The following ATG3 variants were observed in gnomAD, a reference collection of about 807,000 sequenced individuals.
ATG3 encodes the protein autophagy related 3, also known as ubiquitin-like-conjugating enzyme ATG3.
A neutral mutation model predicts 50.7 loss-of-function variants in ATG3; 25 were observed. The ratio of observed to expected loss-of-function variants is 0.49; its 90% confidence interval spans 0.36 to 0.69. The LOEUF (loss-of-function observed/expected upper bound fraction) is 0.69. Ranked by LOEUF, ATG3 falls within the 30% of genes least tolerant of loss-of-function variation. ATG3 has a pLI of 0.00. For synonymous variants in ATG3, 119 were observed against 125.5 expected, an observed-to-expected ratio of 0.95 and a Z score of 0.34; for missense variants, 281 against 376.0, an observed-to-expected ratio of 0.75 and a Z score of 2.09.
At chr3:112,533,181 TTAAA>T (rs1418574065) in intron 11 of ATG3, 1 of 986,008 alleles carries the variant, frequency 1.0e-6, no homozygotes, top group African/African-American at 1.7e-5. Flanking sequence ...GAGAAAAAAA[TTAAA>T]TAAAAATCCT....
At chr3:112,535,936 A>G (rs1933031438) in intron 10 of ATG3, 1 of 153,268 alleles carries the variant, frequency 6.5e-6, no homozygotes, top group Non-Finnish European at 1.5e-5. Flanking sequence ...GGCTCTGTGA[A>G]AAAACACTGA....
intron 7 of ATG3, among the ~76,000 whole-genome samples, chr3:112,539,710 T>C (rs903747669): frequency 1.3e-5 from 2 of 152,236 alleles, no homozygotes; most frequent in Non-Finnish European, 2.9e-5. Flanking sequence ...ATAAATACTG[T>C]ACTGCCCAAT....
chr3:112,546,179 A>G (rs1697185671), intron 5 of ATG3, among the ~76,000 whole-genome samples: 1 of 152,150 alleles, frequency 6.6e-6, no homozygotes, highest in South Asian at 2.1e-4. Context: ...ACAAACAAAA[A>G]AAAACCTATC....
At chr3:112,551,420 T>C (rs1933524475) in intron 3 of ATG3, among the ~76,000 whole-genome samples, 1 of 152,222 alleles carries the variant, frequency 6.6e-6, no homozygotes, top group African/African-American at 2.4e-5. Context: ...CTAGTGCTGA[T>C]TTAAAATGAA....
chr3:112,553,167 G>GGAAA (rs752389818), intron 3 of ATG3, 113 bp downstream of exon 3: 131 of 847,962 alleles, frequency 1.5e-4, no homozygotes, highest in Non-Finnish European at 2.9e-5. Context: ...TCTGCTGGGG[G>GGAAA]GAAAGTTAAA....
chr3:112,535,578 A>T (rs1933020263), intron 10 of ATG3: 1 of 152,154 alleles, frequency 6.6e-6, no homozygotes, highest in African/African-American at 2.4e-5. Flanking sequence ...ATGGCTCCTA[A>T]ATTATTTTTC....
At chr3:112,548,447 T>A in intron 5 of ATG3, 86 bp downstream of exon 5, 1 of 1,157,380 alleles carries the variant, frequency 8.6e-7, no homozygotes, top group Non-Finnish European at 1.3e-6. Context: ...GCCTTATGTA[T>A]CCTCTTTTTT....
Position 112,561,469 on chromosome 3 carries a change from G to A in ATG3, c.60C>T (p.Thr20=), listed in dbSNP as rs1043497254. The A allele has an allele frequency of 5.6e-6, 9 of 1,613,370 alleles. No homozygotes were observed. Among genetic ancestry groups the A allele is most frequent in the Admixed American group, 1.7e-5 (1 of 59,990 alleles). ...GKALEVAEYL[T]PVLKESKFKE... ...TGGCCTGGCTTACCTTGAGGACCGG[G>A]GTCAGGTACTCAGCCACTTCCAGTG... Residue 20 remains threonine, a synonymous_variant, in exon 1 of 12, where the codon ACC becomes ACT. Transcript: ENST00000283290.
intron 5 of ATG3, among the ~76,000 whole-genome samples, chr3:112,545,427 A>G (rs1343223828): frequency 6.6e-6 from 1 of 152,228 alleles, no homozygotes; most frequent in Non-Finnish European, 1.5e-5. Context: ...AAAAAACCTA[A>G]GTACAGAATA....
chr3:112,536,255 A>T (rs1933040776), intron 10 of ATG3: 1 of 504,812 alleles, frequency 2.0e-6, no homozygotes, highest in Non-Finnish European at 3.5e-6. Context: ...AGAACAAAAA[A>T]ATTCTTAACA....
Position 112,555,543 on chromosome 3 carries a change from A to G in ATG3, c.115-2214T>C, listed in dbSNP as rs533034734. ...TTAGTTTTTTCTTTGTTTTTTGACA[A>G]TACAGTATCAGATACTAGCTGCCCC... On this transcript the variant is annotated intron_variant, in intron 2 of 11. Transcript: ENST00000283290. Among the ~76,000 whole-genome samples, 50 of 152,336 alleles carry G rather than the reference A, an allele frequency of 3.3e-4. 1 individual carries two copies. The South Asian group carries it at 9.5e-3, about 29-fold the overall frequency.
chr3:112,549,798 C>CAAAAAAAAAAAA (rs71631400), intron 4 of ATG3, among the ~76,000 whole-genome samples: 3 of 116,798 alleles, frequency 2.6e-5, no homozygotes, highest in Non-Finnish European at 5.0e-5. Context: ...TCAAAACAAC[C>CAAAAAAAAAAAA]AAAAAAAAAA....
In ATG3 at chr3:112,534,250, T is replaced by A. The variant is rs1932949762; in HGVS notation, c.863+19A>T. ...TTAACAGCCATTTTGCCACTAATCTTACATACAGGGAAGGATACATATGAA... is the reference window on the plus strand; with the variant it reads ...TTAACAGCCATTTTGCCACTAATCTAACATACAGGGAAGGATACATATGAA... On this transcript the variant is annotated intron_variant, in intron 11 of 11. Transcript: ENST00000283290. The A allele has an allele frequency of 6.3e-7, 1 of 1,596,288 alleles. No individual in the cohort carries two copies. Among genetic ancestry groups the A allele is most frequent in the African/African-American group, 1.3e-5 (1 of 74,152 alleles).
chr3:112,543,155 T>C (rs1454821742), intron 6 of ATG3, among the ~76,000 whole-genome samples: 1 of 152,106 alleles, frequency 6.6e-6, no homozygotes, highest in African/African-American at 2.4e-5. Flanking sequence ...AGAATATCTT[T>C]AGTAACTGTT....
chr3:112,542,354 A>G (rs545268405), intron 6 of ATG3, among the ~76,000 whole-genome samples: 1 of 152,274 alleles, frequency 6.6e-6, no homozygotes, highest in Non-Finnish European at 1.5e-5. Context: ...ATCAGACTTT[A>G]CAGTTATTAA....
At chr3:112,556,176 T>C (rs1933664233) in intron 2 of ATG3, among the ~76,000 whole-genome samples, 1 of 152,268 alleles carries the variant, frequency 6.6e-6, no homozygotes, top group African/African-American at 2.4e-5. Flanking sequence ...CTTTACAGAA[T>C]GTCTAGCCCA....
At chr3:112,561,194 G>C (rs942930457) in intron 1 of ATG3, among the ~76,000 whole-genome samples, 1 of 152,148 alleles carries the variant, frequency 6.6e-6, no homozygotes, top group East Asian at 1.9e-4. Context: ...CTTCCAACCC[G>C]ACGTACCCGA....
intron 4 of ATG3, among the ~76,000 whole-genome samples, chr3:112,549,767 GCAA>G (rs1933476165): frequency 7.6e-6 from 1 of 131,894 alleles, no homozygotes; most frequent in South Asian, 2.6e-4. Flanking sequence ...TCTAGCCTGG[GCAA>G]CAAAGTGAGA....
At position 112,534,345 on chromosome 3, in the gene ATG3, CCA is replaced by C; in HGVS notation, c.795-10_795-9del. On this transcript the variant is annotated splice_polypyrimidine_tract_variant and intron_variant, in intron 10 of 11. Coordinates refer to ENST00000283290, the MANE Select transcript of ATG3 (RefSeq NM_022488.5). ...TTCATCACCTCAGCATGCCTAGAAGCCAAAAAAAAAAAAAATTGTTAATGTAG... is the reference window on the plus strand; with the variant it reads ...TTCATCACCTCAGCATGCCTAGAAGCAAAAAAAAAAAAATTGTTAATGTAG... The C allele has an allele frequency of 7.7e-7, 1 of 1,293,332 alleles. No homozygotes were observed. Among genetic ancestry groups the C allele is most frequent in the Non-Finnish European group, 9.8e-7 (1 of 1,023,460 alleles). 80.1% of individuals were successfully genotyped at this position (1,293,332 alleles called of 1,614,324 possible).
Sources: allele counts gnomAD v4.1 joint callset (sites outside exome capture counted in the v4.1 genomes callset), GRCh38; gene constraint gnomAD v4.1.1; transcripts MANE v1.5; gene names NCBI Gene and HGNC (gene_info 2026-07-23, HGNC 2026-07-21).